Variants in MYOCD observed in about 807,000 individuals in gnomAD.
The protein encoded by MYOCD is myocardin.
A neutral mutation model predicts 96.1 loss-of-function variants in MYOCD; 32 were observed. That is an observed-to-expected ratio of 0.33 (90% CI 0.25 to 0.45). The LOEUF is 0.45. Ranked by LOEUF, MYOCD falls within the 20% of genes least tolerant of loss-of-function variation. MYOCD has a pLI of 1.00. For synonymous variants in MYOCD, 469 were observed against 469.0 expected (o/e 1.00, Z 0.00); for missense variants, 1,133 against 1,200.6 (o/e 0.94, Z 0.83).
chr17:12,727,794 C>T (rs889051753), intron 5 of MYOCD, among the ~76,000 whole-genome samples: 3 of 152,126 alleles, frequency 2.0e-5, no homozygotes, highest in Admixed American at 6.6e-5. Context: ...CTTCTTACTC[C>T]CAGACATCAT....
Position 12,764,912 on chromosome 17 carries a change from A to T in MYOCD, c.*1268A>T, listed in dbSNP as rs2033294155. The T allele has an allele frequency of 6.6e-6, 1 of 152,228 alleles. No individual in the cohort carries two copies. Among genetic ancestry groups the T allele is most frequent in the South Asian group, 2.1e-4 (1 of 4,828 alleles). 9.4% of individuals were successfully genotyped at this position (152,228 alleles called of 1,614,324 possible). A position where few individuals can be genotyped will look rare whatever the true frequency, so the allele number is the denominator to read the frequency against. On this transcript the variant is annotated 3_prime_UTR_variant, in exon 14 of 14. Coordinates refer to ENST00000425538, the MANE Select transcript of MYOCD (RefSeq NM_001146312.3). Reference sequence around the variant, plus strand: ...GTTGCAAGAATTTCTTGAGGAAGAAACTGGTGACTTGGTCCATCAGTCACG... The same window carrying T: ...GTTGCAAGAATTTCTTGAGGAAGAATCTGGTGACTTGGTCCATCAGTCACG...
intron 9 of MYOCD, among the ~76,000 whole-genome samples, chr17:12,749,262 C>T (rs1457485345): frequency 6.6e-6 from 1 of 152,120 alleles, no homozygotes; most frequent in African/African-American, 2.4e-5. Context: ...GGCGCAGTGG[C>T]TCACGCCTGT....
At chr17:12,749,550 A>G (rs2032767886) in intron 9 of MYOCD, among the ~76,000 whole-genome samples, 1 of 149,088 alleles carries the variant, frequency 6.7e-6, no homozygotes, top group African/African-American at 2.5e-5. Context: ...ATATATATGT[A>G]TGTATATACA....
chr17:12,703,450 A>G (rs925095355), intron 1 of MYOCD, among the ~76,000 whole-genome samples: 1 of 151,676 alleles, frequency 6.6e-6, no homozygotes, highest in South Asian at 2.1e-4. Flanking sequence ...AATTCTGTCC[A>G]TTTTTGCTTC....
intron 1 of MYOCD, among the ~76,000 whole-genome samples, chr17:12,690,917 C>T (rs187843706): frequency 9.2e-5 from 14 of 152,250 alleles, no homozygotes; most frequent in Admixed American, 2.0e-4. Context: ...ACTAGAATTA[C>T]GTGTGTATAA....
chr17:12,677,075 A>G (rs558143141), intron 1 of MYOCD, among the ~76,000 whole-genome samples: 1 of 152,322 alleles, frequency 6.6e-6, no homozygotes, highest in East Asian at 1.9e-4. Context: ...GCAGCCATAA[A>G]AAAGAACGAG....
intron 1 of MYOCD, among the ~76,000 whole-genome samples, chr17:12,682,201 G>A (rs934374653): frequency 1.3e-5 from 2 of 152,230 alleles, no homozygotes; most frequent in African/African-American, 4.8e-5. Flanking sequence ...GATGACACGG[G>A]CCACTGGTGG....
At chr17:12,758,976 G>A (rs2033092681) in intron 12 of MYOCD, among the ~76,000 whole-genome samples, 3 of 152,052 alleles carry the variant, frequency 2.0e-5, no homozygotes, top group Admixed American at 2.0e-4. Flanking sequence ...TTGAACCTGG[G>A]AGGTGGAGTT....
In MYOCD at chr17:12,733,375, A is replaced by G. The variant is rs1304923788; in HGVS notation, c.416-2786A>G. On this transcript the variant is annotated intron_variant, in intron 5 of 13. Coordinates refer to ENST00000425538, the MANE Select transcript of MYOCD (RefSeq NM_001146312.3). ...TTTCTGTGTTACCCCTGCCCTACCTATCCCCCAATCAACCAAGCAGGTTGA... is the reference window on the plus strand; with the variant it reads ...TTTCTGTGTTACCCCTGCCCTACCTGTCCCCCAATCAACCAAGCAGGTTGA... Among the ~76,000 whole-genome samples, 5 of 151,638 alleles carry G rather than the reference A, an allele frequency of 3.3e-5. No homozygotes were observed. In the South Asian group the frequency reaches 1.0e-3, roughly 32 times the overall value.
chr17:12,720,979 G>A (rs1046656986), intron 4 of MYOCD, among the ~76,000 whole-genome samples: 9 of 142,398 alleles, frequency 6.3e-5, no homozygotes, highest in Admixed American at 4.5e-4. Context: ...CCGAGATCAC[G>A]CCACTGCACT....
At chr17:12,680,386 G>A (rs895217616) in intron 1 of MYOCD, among the ~76,000 whole-genome samples, 9 of 152,108 alleles carry the variant, frequency 5.9e-5, no homozygotes, top group African/African-American at 2.2e-4. Context: ...GTATAGAAAC[G>A]GGAATGACCT....
In MYOCD at chr17:12,723,031, C is replaced by A. The variant is rs923623001; in HGVS notation, c.415+23C>A. ...AAGGTAGTTAGAACAAATGGCATGT[C>A]TCTCCTTGGTGCTATTGAGATCTGA... On this transcript the variant is annotated intron_variant, in intron 5 of 13. Coordinates refer to ENST00000425538, the MANE Select transcript of MYOCD (RefSeq NM_001146312.3). The A allele has an allele frequency of 3.7e-6, 6 of 1,605,448 alleles. No homozygotes were observed. In the African/African-American group the frequency reaches 8.0e-5, roughly 21 times the overall value.
At chr17:12,709,489 G>C (rs1002639389) in intron 2 of MYOCD, among the ~76,000 whole-genome samples, 1 of 152,076 alleles carries the variant, frequency 6.6e-6, no homozygotes, top group East Asian at 1.9e-4. Context: ...ACAACTTAAG[G>C]GTTCTCAGAC....
At chr17:12,722,634 A>G (rs1164270501) in intron 4 of MYOCD, among the ~76,000 whole-genome samples, 1 of 152,176 alleles carries the variant, frequency 6.6e-6, no homozygotes, top group Non-Finnish European at 1.5e-5. Context: ...AAGCTTCTCT[A>G]ACTTTTCCAT....
chr17:12,767,346 T>C lies in MYOCD; in HGVS notation c.*3702T>C, dbSNP rs1212824577. On this transcript the variant is annotated 3_prime_UTR_variant, in exon 14 of 14. Coordinates refer to ENST00000425538, the MANE Select transcript of MYOCD (RefSeq NM_001146312.3). ...TATCCCAAGCATTCAAAATAGTCCT[T>C]TCCAAATGTTATTTATTTTAAAGTC... 6.6e-6 allele frequency: 1 copy of C among 152,236 alleles called. No individual in the cohort carries two copies. The highest frequency in any genetic ancestry group is 2.4e-5 in the African/African-American group (1 of 41,462). The allele number at this position is 152,236 out of a possible 1,614,324, so 9.4% of individuals were successfully genotyped here.
chr17:12,762,011 G>A (rs938235351), intron 13 of MYOCD: 1 of 152,282 alleles, frequency 6.6e-6, no homozygotes, highest in African/African-American at 2.4e-5. Flanking sequence ...AGGGGAAGAA[G>A]AGCAGTTATG....
rs920544219 is a variant in MYOCD at position 12,714,281 on chromosome 17, T to C, written c.122-1238T>C. Among the ~76,000 whole-genome samples, 5 of 150,180 alleles carry C rather than the reference T, an allele frequency of 3.3e-5. No individual in the cohort carries two copies. In the South Asian group the frequency reaches 1.1e-3, roughly 32 times the overall value. On this transcript the variant is annotated intron_variant, in intron 2 of 13. Coordinates refer to ENST00000425538, the MANE Select transcript of MYOCD (RefSeq NM_001146312.3). ...CTCCAGCAAACCCTGCTGAAAACTA[T>C]GTTCAGATTCAGCATGGTCTTAAGG...
At chr17:12,695,142 GC>G (rs2030683973) in intron 1 of MYOCD, among the ~76,000 whole-genome samples, 1 of 152,128 alleles carries the variant, frequency 6.6e-6, no homozygotes, top group Admixed American at 6.5e-5. Flanking sequence ...ATAACCAAAT[GC>G]CATAAACTGG....
chr17:12,725,179 G>A (rs1195126267), intron 5 of MYOCD, among the ~76,000 whole-genome samples: 4 of 151,788 alleles, frequency 2.6e-5, no homozygotes, highest in Non-Finnish European at 5.9e-5. Flanking sequence ...CAGTTTCTCA[G>A]TTTATCTTAA....
Sources: allele counts gnomAD v4.1 joint callset (sites outside exome capture counted in the v4.1 genomes callset), GRCh38; gene constraint gnomAD v4.1.1; transcripts MANE v1.5; gene names NCBI Gene and HGNC (gene_info 2026-07-23, HGNC 2026-07-21).